The following SPATA16 variants were observed in gnomAD, a reference collection of about 807,000 sequenced individuals.
The protein encoded by SPATA16 is spermatogenesis-associated protein 16.
A neutral mutation model predicts 63.3 loss-of-function variants in SPATA16; 36 were observed. The ratio of observed to expected loss-of-function variants is 0.57; its 90% CI spans 0.44 to 0.75. SPATA16 has a LOEUF of 0.75. Ranked by LOEUF, SPATA16 falls within the 30% of genes least tolerant of loss-of-function variation. SPATA16 has a pLI of 0.00. For missense variants in SPATA16, 646 were observed against 679.3 expected, an observed-to-expected ratio of 0.95 and a Z score of 0.54; for synonymous variants, 203 against 216.7, an observed-to-expected ratio of 0.94 and a Z score of 0.56.
At chr3:173,073,833 G>A (rs1375650591) in intron 2 of SPATA16, among the ~76,000 whole-genome samples, 2 of 152,194 alleles carry the variant, frequency 1.3e-5, no homozygotes, top group Non-Finnish European at 1.5e-5. Flanking sequence ...CTTGCACCGT[G>A]CTCCTGGAAA....
intron 5 of SPATA16, among the ~76,000 whole-genome samples, chr3:172,965,569 A>G (rs1733898633): frequency 6.6e-6 from 1 of 151,904 alleles, no homozygotes; most frequent in South Asian, 2.1e-4. Context: ...CCTCCCCGTA[A>G]TTTCTTTTCT....
chr3:172,948,622 A>G (rs1433873700), intron 6 of SPATA16, among the ~76,000 whole-genome samples: 4 of 151,288 alleles, frequency 2.6e-5, no homozygotes, highest in African/African-American at 7.4e-5. Context: ...GTGTACCATC[A>G]TGTCCAGCTA....
intron 1 of SPATA16, among the ~76,000 whole-genome samples, chr3:173,126,331 C>T (rs1200522000): frequency 6.6e-6 from 1 of 152,172 alleles, no homozygotes; most frequent in African/African-American, 2.4e-5. Context: ...TACTCATTTG[C>T]TGTGGCAGGA....
At chr3:173,125,914 A>G (rs1015815642) in intron 1 of SPATA16, among the ~76,000 whole-genome samples, 7 of 152,224 alleles carry the variant, frequency 4.6e-5, no homozygotes, top group Admixed American at 3.3e-4. Flanking sequence ...GAAACATTCA[A>G]AAGTATCTTT....
intron 6 of SPATA16, among the ~76,000 whole-genome samples, chr3:172,954,022 A>G (rs779421794): frequency 7.9e-5 from 12 of 152,232 alleles, no homozygotes; most frequent in South Asian, 2.1e-4. Flanking sequence ...TTGCATGAAT[A>G]TATGTTACAA....
intron 2 of SPATA16, among the ~76,000 whole-genome samples, chr3:173,068,997 C>T (rs974022955): frequency 1.3e-5 from 2 of 151,108 alleles, no homozygotes; most frequent in African/African-American, 4.9e-5. Context: ...GTAGTCCCAG[C>T]TACTCGGGAG....
chr3:173,110,618 A>G (rs993560968), intron 2 of SPATA16, among the ~76,000 whole-genome samples: 1 of 152,158 alleles, frequency 6.6e-6, no homozygotes, highest in African/African-American at 2.4e-5. Context: ...TCAATAAACA[A>G]TTCTTGATGT....
intron 6 of SPATA16, among the ~76,000 whole-genome samples, chr3:172,951,385 A>G (rs1385601077): frequency 1.3e-5 from 2 of 152,144 alleles, no homozygotes; most frequent in Non-Finnish European, 2.9e-5. Context: ...TCAGTCTCAT[A>G]GAAATTATAA....
chr3:173,122,130 TA>T (rs1388037393), intron 1 of SPATA16, among the ~76,000 whole-genome samples: 1 of 152,194 alleles, frequency 6.6e-6, no homozygotes, highest in Non-Finnish European at 1.5e-5. Flanking sequence ...AATATGCCTT[TA>T]AAAAATCGTT....
intron 4 of SPATA16, among the ~76,000 whole-genome samples, chr3:173,002,795 A>T (rs1379150755): frequency 3.3e-5 from 5 of 152,188 alleles, no homozygotes; most frequent in Non-Finnish European, 7.4e-5. Context: ...GACAGAGCTG[A>T]TATTGAAGAT....
At chr3:172,910,003 T>A (rs1732331479) in intron 10 of SPATA16, among the ~76,000 whole-genome samples, 1 of 152,158 alleles carries the variant, frequency 6.6e-6, no homozygotes, top group Admixed American at 6.5e-5. Flanking sequence ...ATTGTTCTGT[T>A]ACCGTTTGGA....
At chr3:173,107,596 G>T (rs1052377492) in intron 2 of SPATA16, among the ~76,000 whole-genome samples, 1 of 151,974 alleles carries the variant, frequency 6.6e-6, no homozygotes, top group African/African-American at 2.4e-5. Flanking sequence ...TTTAGTAGAA[G>T]TTGAAACTAA....
At chr3:173,008,160 G>T (rs144750209) in intron 4 of SPATA16, among the ~76,000 whole-genome samples, 2 of 152,216 alleles carry the variant, frequency 1.3e-5, no homozygotes, top group African/African-American at 2.4e-5. Flanking sequence ...TTTGATCCAG[G>T]TTGCAGATCC....
chr3:173,075,471 A>G (rs1736777636), intron 2 of SPATA16, among the ~76,000 whole-genome samples: 1 of 152,234 alleles, frequency 6.6e-6, no homozygotes, highest in African/African-American at 2.4e-5. Context: ...AAAGAGATAT[A>G]CTTCCATGTT....
At position 173,111,976 on chromosome 3, in the gene SPATA16, T is replaced by G. The variant is rs371386459; in HGVS notation, c.612+5144A>C. Among the ~76,000 whole-genome samples, 12 of 152,316 alleles carry G rather than the reference T, an allele frequency of 7.9e-5. 1 individual carries two copies. The highest frequency in any genetic ancestry group is 2.6e-4 in the Admixed American group (4 of 15,296). ...ATAACTGTTTTTAAAATATCCTTCA[T>G]TTTGAGAGTATGACCTCTCTGTTTC... On this transcript the variant is annotated intron_variant, in intron 2 of 10. Coordinates refer to ENST00000351008, the MANE Select transcript of SPATA16 (RefSeq NM_031955.6).
rs142355169 is a variant in SPATA16 at position 173,122,901 on chromosome 3, A to G, written c.-18-5152T>C. Among the ~76,000 whole-genome samples the G allele has an allele frequency of 4.1e-3, 620 of 152,336 alleles. 4 individuals carry two copies. Among genetic ancestry groups the G allele is most frequent in the African/African-American group, 0.014 (582 of 41,576 alleles). Reference sequence around the variant, plus strand: ...GGAACATAAGAGACCCTCAATGTACATTTGTTATTAGAAGGAATGTGTGTC... The same window carrying G: ...GGAACATAAGAGACCCTCAATGTACGTTTGTTATTAGAAGGAATGTGTGTC... On this transcript the variant is annotated intron_variant, in intron 1 of 10. Transcript: ENST00000351008.
intron 5 of SPATA16, among the ~76,000 whole-genome samples, chr3:172,959,103 A>ATC (rs34060764): frequency 0.64 from 97,719 of 151,768 alleles, 32,422 homozygotes; most frequent in African/African-American, 0.81. Flanking sequence ...TAGCAAAGGT[A>ATC]TAATCCTCCA....
At chr3:172,981,286 A>C (rs1734311148) in intron 4 of SPATA16, among the ~76,000 whole-genome samples, 1 of 152,102 alleles carries the variant, frequency 6.6e-6, no homozygotes, top group South Asian at 2.1e-4. Context: ...GTTTATTCTC[A>C]ACACAATAGT....
At chr3:172,910,564 A>AC (rs1732348322) in intron 10 of SPATA16, among the ~76,000 whole-genome samples, 1 of 151,936 alleles carries the variant, frequency 6.6e-6, no homozygotes, top group Admixed American at 6.6e-5. Context: ...ACTAGATTTG[A>AC]CCTGCAGACT....
Sources: allele counts gnomAD v4.1 joint callset (sites outside exome capture counted in the v4.1 genomes callset), GRCh38; gene constraint gnomAD v4.1.1; transcripts MANE v1.5; gene names NCBI Gene and HGNC (gene_info 2026-07-23, HGNC 2026-07-21).